PDGFC: variants seen among roughly 807,000 people sequenced by gnomAD.
PDGFC encodes platelet derived growth factor C.
PDGFC carries 12 observed loss-of-function variants against 35.5 expected under a neutral mutation model. That is an observed-to-expected ratio of 0.34 (90% CI 0.22 to 0.55). PDGFC has a LOEUF of 0.55. Ranked by LOEUF, PDGFC falls within the 20% of genes least tolerant of loss-of-function variation. The pLI is 0.91. For missense variants in PDGFC, 322 were observed against 412.4 expected (o/e 0.78, Z 1.90); for synonymous variants, 159 against 148.8 (o/e 1.07, Z -0.50).
intron 1 of PDGFC, among the ~76,000 whole-genome samples, chr4:156,938,241 T>C (rs1444693004): frequency 1.3e-5 from 2 of 152,082 alleles, no homozygotes; most frequent in South Asian, 2.1e-4. Context: ...TATAGAGATA[T>C]GTAAAAGGTA....
chr4:156,939,173 GT>G lies in PDGFC; in HGVS notation c.118+31612del, dbSNP rs756061755. On this transcript the variant is annotated intron_variant, in intron 1 of 5. Transcript: ENST00000502773. Reference sequence around the variant, plus strand: ...ACTTTGGCTATTTAATTTACATATCGTTTTTTAGGCTTAATGGTATGCCAAG... The same window carrying G: ...ACTTTGGCTATTTAATTTACATATCGTTTTTAGGCTTAATGGTATGCCAAG... 4.6e-5 allele frequency among the ~76,000 whole-genome samples: 7 copies of G among 151,956 alleles called. No individual in the cohort carries two copies. In the East Asian group the frequency reaches 7.7e-4, roughly 17 times the overall value.
At chr4:156,830,035 G>T (rs1728890000) in intron 2 of PDGFC, among the ~76,000 whole-genome samples, 1 of 152,048 alleles carries the variant, frequency 6.6e-6, no homozygotes, top group South Asian at 2.1e-4. Context: ...TATCTGAAAA[G>T]CTGTGTTAAT....
intron 3 of PDGFC, among the ~76,000 whole-genome samples, chr4:156,790,351 T>C (rs1323008883): frequency 6.6e-6 from 1 of 152,194 alleles, no homozygotes; most frequent in African/African-American, 2.4e-5. Context: ...AAGATTTTTG[T>C]TTAATACAGG....
chr4:156,803,192 T>C (rs1731664122), intron 3 of PDGFC, among the ~76,000 whole-genome samples: 2 of 152,142 alleles, frequency 1.3e-5, no homozygotes, highest in South Asian at 4.2e-4. Context: ...ACCAAATGTG[T>C]CTGAGTGTAC....
chr4:156,769,806 G>A (rs1730644076), intron 4 of PDGFC, among the ~76,000 whole-genome samples: 1 of 151,936 alleles, frequency 6.6e-6, no homozygotes, highest in African/African-American at 2.4e-5. Flanking sequence ...CTCTTTAATT[G>A]TTAAAACTAT....
intron 3 of PDGFC, among the ~76,000 whole-genome samples, chr4:156,791,817 A>G (rs1731306598): frequency 1.3e-5 from 2 of 152,342 alleles, no homozygotes; most frequent in East Asian, 3.9e-4. Flanking sequence ...CATTACAAAG[A>G]CAAATCTTAA....
At chr4:156,793,031 C>A (rs888881936) in intron 3 of PDGFC, among the ~76,000 whole-genome samples, 1 of 152,136 alleles carries the variant, frequency 6.6e-6, no homozygotes, top group African/African-American at 2.4e-5. Context: ...AAGGGGGAAG[C>A]AAACTCAACC....
chr4:156,897,932 T>C (rs1730674976), intron 1 of PDGFC, among the ~76,000 whole-genome samples: 1 of 152,170 alleles, frequency 6.6e-6, no homozygotes. Context: ...AGATGGATGA[T>C]ATGAAGCTCT....
At chr4:156,910,948 T>C (rs1731024133) in intron 1 of PDGFC, among the ~76,000 whole-genome samples, 1 of 152,166 alleles carries the variant, frequency 6.6e-6, no homozygotes, top group Non-Finnish European at 1.5e-5. Flanking sequence ...CACAAATCCT[T>C]TGTCAGATAT....
chr4:156,888,673 T>C (rs1165174733), intron 1 of PDGFC, among the ~76,000 whole-genome samples: 1 of 152,122 alleles, frequency 6.6e-6, no homozygotes, highest in Non-Finnish European at 1.5e-5. Flanking sequence ...TTTCTAAAAT[T>C]CACATCACTT....
At chr4:156,939,346 A>G (rs1379048191) in intron 1 of PDGFC, among the ~76,000 whole-genome samples, 1 of 152,100 alleles carries the variant, frequency 6.6e-6, no homozygotes, top group Non-Finnish European at 1.5e-5. Flanking sequence ...TAGAAAAATA[A>G]CTCGATGAGT....
chr4:156,825,208 A>G (rs1281497059), intron 2 of PDGFC, among the ~76,000 whole-genome samples: 1 of 152,010 alleles, frequency 6.6e-6, no homozygotes, highest in Non-Finnish European at 1.5e-5. Context: ...TAGGGTATCT[A>G]GGAATATAGA....
chr4:156,878,106 C>T (rs530829742), intron 1 of PDGFC, among the ~76,000 whole-genome samples: 2 of 152,220 alleles, frequency 1.3e-5, no homozygotes, highest in African/African-American at 2.4e-5. Context: ...AAGCACTTAA[C>T]GAATATTTGT....
intron 1 of PDGFC, among the ~76,000 whole-genome samples, chr4:156,897,825 T>C (rs530796650): frequency 6.6e-6 from 1 of 152,210 alleles, no homozygotes; most frequent in African/African-American, 2.4e-5. Flanking sequence ...CCTTTAACTC[T>C]TCATTATAAC....
intron 2 of PDGFC, among the ~76,000 whole-genome samples, chr4:156,833,283 A>T (rs1010968915): frequency 2.0e-5 from 3 of 152,334 alleles, no homozygotes; most frequent in Admixed American, 1.3e-4. Flanking sequence ...AGACTATGTT[A>T]ATGCTTCTAC....
At chr4:156,967,680 ATTCT>A (rs1732498202) in intron 1 of PDGFC, 1 of 152,120 alleles carries the variant, frequency 6.6e-6, no homozygotes, top group African/African-American at 2.4e-5. Flanking sequence ...TGGGTGTATG[ATTCT>A]TTCTGCTACA....
chr4:156,848,267 A>C (rs2111076105), intron 2 of PDGFC, among the ~76,000 whole-genome samples: 1 of 152,058 alleles, frequency 6.6e-6, no homozygotes, highest in African/African-American at 2.4e-5. Flanking sequence ...AAGACAGATC[A>C]GAAGTTGGTG....
intron 2 of PDGFC, among the ~76,000 whole-genome samples, chr4:156,831,572 T>C (rs1271960928): frequency 6.7e-6 from 1 of 149,062 alleles, no homozygotes; most frequent in Non-Finnish European, 1.5e-5. Context: ...GCCTCCTGAA[T>C]AGCTGGGACC....
intron 1 of PDGFC, among the ~76,000 whole-genome samples, chr4:156,961,344 T>C (rs946294931): frequency 1.2e-4 from 19 of 152,096 alleles, no homozygotes; most frequent in African/African-American, 4.3e-4. Flanking sequence ...TCAACTTCTG[T>C]TGTTAATGGT....
Sources: gnomAD v4.1 joint callset for allele counts (sites outside exome capture counted in the v4.1 genomes callset) on GRCh38, gnomAD v4.1.1 for gene constraint, MANE v1.5 for transcripts, NCBI Gene and HGNC (gene_info 2026-07-23, HGNC 2026-07-21) for gene names.